The following MED27 variants were observed in gnomAD, a reference collection of about 807,000 sequenced individuals.
The protein encoded by MED27 is mediator of RNA polymerase II transcription subunit 27.
Under a neutral mutation model 38.2 loss-of-function variants are expected in MED27, and 30 were observed. The observed-to-expected ratio is 0.79, with a 90% CI of 0.59 to 1.07. MED27 has a LOEUF of 1.07. Ranked by LOEUF, MED27 falls within the 50% of genes least tolerant of loss-of-function variation. The probability of loss-of-function intolerance (pLI) is 0.00; values close to 1 mark genes in which losing one functional copy is unlikely to be tolerated. For missense variants in MED27, 289 were observed against 397.5 expected, an observed-to-expected ratio of 0.73 and a Z score of 2.32; for synonymous variants, 122 against 153.5, an observed-to-expected ratio of 0.79 and a Z score of 1.52.
At chr9:132,024,776 G>GAGGATT (rs1832783071) in intron 2 of MED27, among the ~76,000 whole-genome samples, 1 of 152,190 alleles carries the variant, frequency 6.6e-6, no homozygotes, top group African/African-American at 2.4e-5. Flanking sequence ...AGGCAATCCC[G>GAGGATT]AGGATTAGTT....
chr9:131,969,682 C>A (rs921652011), intron 3 of MED27, among the ~76,000 whole-genome samples: 1 of 151,940 alleles, frequency 6.6e-6, no homozygotes. Flanking sequence ...AGAGCAGGTC[C>A]GGGGTGATGT....
Position 131,925,755 on chromosome 9 carries a change from C to T in MED27, c.573+13626G>A, listed in dbSNP as rs544065179. 4.6e-5 allele frequency among the ~76,000 whole-genome samples: 7 copies of T among 152,326 alleles called. No homozygotes were observed. The East Asian group carries it at 9.6e-4, about 21-fold the overall frequency. ...AAAACAGGAGAGAGAATGATAAACA[C>T]GCCAGGGGACAGCAGCTCCTGCGGG... On this transcript the variant is annotated intron_variant, in intron 4 of 7. Coordinates refer to ENST00000292035, the MANE Select transcript of MED27 (RefSeq NM_004269.4).
chr9:132,031,011 G>C (rs779077297), intron 2 of MED27, among the ~76,000 whole-genome samples: 3 of 152,252 alleles, frequency 2.0e-5, no homozygotes, highest in Non-Finnish European at 4.4e-5. Context: ...GGGAGAAGTC[G>C]ATTTTTAAAA....
chr9:132,033,906 C>A (rs1385251400), intron 2 of MED27, among the ~76,000 whole-genome samples: 1 of 152,184 alleles, frequency 6.6e-6, no homozygotes, highest in Non-Finnish European at 1.5e-5. Context: ...GTATTCCCTT[C>A]TTTAAAAATT....
At chr9:132,065,168 C>G (rs1564346426) in intron 2 of MED27, among the ~76,000 whole-genome samples, 2 of 152,212 alleles carry the variant, frequency 1.3e-5, no homozygotes, top group Non-Finnish European at 2.9e-5. Flanking sequence ...CACGTTAATG[C>G]ATATACACGT....
chr9:132,009,112 C>T (rs1236119233), intron 3 of MED27, among the ~76,000 whole-genome samples: 1 of 152,152 alleles, frequency 6.6e-6, no homozygotes. Flanking sequence ...TCCTTGTTTG[C>T]TCCTATCTCT....
intron 3 of MED27, among the ~76,000 whole-genome samples, chr9:131,989,693 C>T (rs944990472): frequency 6.6e-6 from 1 of 151,724 alleles, no homozygotes. Context: ...TAGAGAGAAC[C>T]ATACAATAAA....
chr9:131,942,129 C>T (rs916294385), intron 3 of MED27, among the ~76,000 whole-genome samples: 3 of 152,038 alleles, frequency 2.0e-5, no homozygotes, highest in African/African-American at 2.4e-5. Flanking sequence ...CCAGCCTCTG[C>T]TGATTTTTTA....
intron 2 of MED27, among the ~76,000 whole-genome samples, chr9:132,016,343 G>T (rs956591369): frequency 9.9e-5 from 15 of 152,198 alleles, no homozygotes; most frequent in Admixed American, 2.6e-4. Flanking sequence ...TGGTCGATTT[G>T]CTGTGGGAGC....
At chr9:132,014,056 A>C (rs1346624152) in intron 3 of MED27, among the ~76,000 whole-genome samples, 1 of 150,248 alleles carries the variant, frequency 6.7e-6, no homozygotes, top group Non-Finnish European at 1.5e-5. Context: ...AAATACAAAA[A>C]TTAGCTGGGC....
intron 3 of MED27, among the ~76,000 whole-genome samples, chr9:131,975,322 T>C (rs1831580859): frequency 6.6e-6 from 1 of 152,352 alleles, no homozygotes; most frequent in Non-Finnish European, 1.5e-5. Context: ...GAAGAATATG[T>C]AGGAATTTGG....
At chr9:131,884,732 T>G (rs953694878) in intron 5 of MED27, among the ~76,000 whole-genome samples, 1 of 151,648 alleles carries the variant, frequency 6.6e-6, no homozygotes, top group Non-Finnish European at 1.5e-5. Flanking sequence ...TTCAGCCTCC[T>G]GAGTGGCTGG....
chr9:132,050,682 G>A (rs774467051), intron 2 of MED27, among the ~76,000 whole-genome samples: 6 of 152,140 alleles, frequency 3.9e-5, no homozygotes, highest in Admixed American at 2.6e-4. Context: ...GCTGGAAGGC[G>A]CTCTCCAGAC....
At chr9:132,070,660 G>A (rs957786322) in intron 2 of MED27, among the ~76,000 whole-genome samples, 1 of 152,126 alleles carries the variant, frequency 6.6e-6, no homozygotes, top group Non-Finnish European at 1.5e-5. Context: ...GTACCAAGAT[G>A]AGAAGAGTCC....
chr9:131,981,011 CAA>C (rs200777509), intron 3 of MED27, among the ~76,000 whole-genome samples: 1 of 151,962 alleles, frequency 6.6e-6, no homozygotes, highest in African/African-American at 2.4e-5. Context: ...TTCACACACA[CAA>C]AAAAAATTCA....
At chr9:132,057,489 C>A (rs965633536) in intron 2 of MED27, among the ~76,000 whole-genome samples, 24 of 152,192 alleles carry the variant, frequency 1.6e-4, no homozygotes, top group Non-Finnish European at 2.9e-5. Flanking sequence ...AGCTGGGCTG[C>A]GCAGGCCACA....
chr9:132,053,122 A>G (rs913583561), intron 2 of MED27, among the ~76,000 whole-genome samples: 35 of 152,232 alleles, frequency 2.3e-4, no homozygotes, highest in African/African-American at 8.2e-4. Flanking sequence ...GCGTGGTTGC[A>G]GGCACCTGTA....
intron 3 of MED27, among the ~76,000 whole-genome samples, chr9:131,966,010 A>G (rs563845459): frequency 6.6e-6 from 1 of 150,872 alleles, no homozygotes. Context: ...AGTGCTCGCA[A>G]CCATGCGCAT....
At chr9:131,985,228 G>C (rs754653790) in intron 3 of MED27, among the ~76,000 whole-genome samples, 1 of 151,926 alleles carries the variant, frequency 6.6e-6, no homozygotes, top group Non-Finnish European at 1.5e-5. Context: ...TCAAGACTCT[G>C]GCATCCCCTT....
Sources: allele counts gnomAD v4.1 joint callset (sites outside exome capture counted in the v4.1 genomes callset), GRCh38; gene constraint gnomAD v4.1.1; transcripts MANE v1.5; gene names NCBI Gene and HGNC (gene_info 2026-07-23, HGNC 2026-07-21).